CLUH: variants seen among roughly 807,000 people sequenced by gnomAD.
The protein encoded by CLUH is clustered mitochondria protein homolog.
CLUH carries 77 observed loss-of-function variants against 139.3 expected under a neutral mutation model. The ratio of observed to expected loss-of-function variants is 0.55; its 90% CI spans 0.46 to 0.67. CLUH has a LOEUF of 0.67. Among genes scored for constraint, CLUH ranks in the 30% least tolerant of loss-of-function variants. The pLI is 0.00. For synonymous variants in CLUH, 999 were observed against 801.6 expected (o/e 1.25, Z -4.16); for missense variants, 1,876 against 1,875.8 (o/e 1.00, Z 0.00).
Position 2,703,212 on chromosome 17 carries a change from C to T in CLUH, c.475+106G>A. The T allele has an allele frequency of 8.4e-7, 1 of 1,189,620 alleles. No individual in the cohort carries two copies. Among genetic ancestry groups the T allele is most frequent in the South Asian group, 1.5e-5 (1 of 68,236 alleles). The allele number at this position is 1,189,620 out of a possible 1,614,324, so 73.7% of individuals were successfully genotyped here. On this transcript the variant is annotated intron_variant, in intron 3 of 25. Transcript: ENST00000651024. This position sits in a 1 kb window ranked among gnomAD's most constrained non-coding sequence, Gnocchi z 4.2. ...GAAGCAGATCTGTGCTCCAATCCTG[C>T]CTCCATGAGCTCATCCGTGACACAG...
chr17:2,706,819 AG>A lies in CLUH; in HGVS notation c.101-2256del, dbSNP rs1377039016. 6.6e-6 allele frequency among the ~76,000 whole-genome samples: 1 copy of A among 152,192 alleles called. No homozygotes were observed. Among genetic ancestry groups the A allele is most frequent in the Admixed American group, 6.5e-5 (1 of 15,282 alleles). The stretch of plus-strand genomic sequence containing the variant: ...GAAGGGCCCCCACCCAATATAGAAC[AG>A]CAGTTTTGAGCTATGAGATCCCAAA... On this transcript the variant is annotated intron_variant, in intron 1 of 25. Transcript: ENST00000651024. The surrounding 1 kb of genome is among the most constrained non-coding windows in gnomAD (Gnocchi z 4.6).
chr17:2,708,697 A>G (rs1370321308), intron 1 of CLUH, among the ~76,000 whole-genome samples: 1 of 150,880 alleles, frequency 6.6e-6, no homozygotes, highest in African/African-American at 2.4e-5. Context: ...AGCGCGGGCT[A>G]CCCACCCGCT....
At chr17:2,709,947 ACCC>A (rs1382135006) in intron 1 of CLUH, among the ~76,000 whole-genome samples, 1 of 145,248 alleles carries the variant, frequency 6.9e-6, no homozygotes, top group African/African-American at 2.5e-5. Flanking sequence ...GACTCAGTTT[ACCC>A]CCGACAGAGC....
intron 20 of CLUH, 36 bp from the exon 21 acceptor site, chr17:2,692,732 G>C (rs766305548): frequency 6.2e-6 from 10 of 1,601,888 alleles, no homozygotes; most frequent in Non-Finnish European, 8.5e-6. Context: ...GGGTGGCCGC[G>C]GACCCAGCCC....
At chr17:2,701,804 T>G in intron 4 of CLUH, 67 bp from the exon 5 acceptor site, 1 of 1,564,124 alleles carries the variant, frequency 6.4e-7, no homozygotes, top group Non-Finnish European at 8.6e-7. Context: ...TACCTCCTGA[T>G]GGCCGTGGTC....
At position 2,694,498 on chromosome 17, in the gene CLUH, C is replaced by T. The variant is rs759194955; in HGVS notation, c.2919G>A (p.Ser973=). 12 of 1,581,226 alleles carry T rather than the reference C, an allele frequency of 7.6e-6. No individual in the cohort carries two copies. Among genetic ancestry groups the T allele is most frequent in the Admixed American group, 3.6e-5 (2 of 55,192 alleles). The change falls in exon 17 of 26, where the codon TCG becomes TCA. Residue 973 remains serine, a synonymous_variant. Coordinates refer to ENST00000651024, the MANE Select transcript of CLUH (RefSeq NM_001366661.1). ...LQKITLLREI[S]LKTGIQVLLK... ...TGCCCACCTGGATCCCTGTTTTCAG[C>T]GAGATCTCCCGCAGGAGCGTTATCT...
In CLUH at chr17:2,694,549, C is replaced by G; in HGVS notation, c.2868G>C (p.Gln956His). The G allele has an allele frequency of 6.3e-7, 1 of 1,579,030 alleles. No individual in the cohort carries two copies. The highest frequency in any genetic ancestry group is 8.6e-7 in the Non-Finnish European group (1 of 1,162,924). Residue 956 changes from glutamine to histidine, a missense_variant, in exon 17 of 26, where the codon CAG becomes CAC. Physicochemically the swap from Gln to His is conservative, Grantham distance 24. Around this residue, in one of 3 missense-constraint regions of CLUH, gnomAD observed 1,454 missense variants for 1,384.4 expected, o/e 1.05. Coordinates refer to ENST00000651024, the MANE Select transcript of CLUH (RefSeq NM_001366661.1). ...DFDLECETVD[Q>H]AVETYGLQKI... ...TCTGCAGGCCGTAGGTCTCCACAGCCTGGTCCACGGTCTCACTGAGGAGGG... is the reference window on the plus strand; with the variant it reads ...TCTGCAGGCCGTAGGTCTCCACAGCGTGGTCCACGGTCTCACTGAGGAGGG...
In CLUH at chr17:2,696,948, G is replaced by GC. The variant is rs1597609527; in HGVS notation, c.1962-7dup. On this transcript the variant is annotated splice_region_variant and splice_polypyrimidine_tract_variant and intron_variant, in intron 10 of 25. Transcript: ENST00000651024. Reference sequence around the variant, plus strand: ...GCTTCATAAAGAGGAGGTACCTGGAGCAGAGGAAACAGGGCAGAGCAGGAG... The same window carrying GC: ...GCTTCATAAAGAGGAGGTACCTGGAGCCAGAGGAAACAGGGCAGAGCAGGAG... 2 of 1,561,746 alleles carry GC rather than the reference G, an allele frequency of 1.3e-6. No individual in the cohort carries two copies. The highest frequency in any genetic ancestry group is 8.7e-7 in the Non-Finnish European group (1 of 1,154,154).
chr17:2,694,826 A>ACCCCCCCC, intron 16 of CLUH, 31 bp downstream of exon 16: 1 of 796,174 alleles, frequency 1.3e-6, no homozygotes, highest in Non-Finnish European at 1.8e-6. Context: ...GCCCAATCCC[A>ACCCCCCCC]CCCACCCCAC....
At position 2,703,293 on chromosome 17, in the gene CLUH, C is replaced by A. The variant is rs962832757; in HGVS notation, c.475+25G>T. The stretch of plus-strand genomic sequence containing the variant: ...CTGCCTCCGTGGGCCCTCCCCCGGG[C>A]AGGCTGTCCAACTTCCAGACCAACC... On this transcript the variant is annotated intron_variant, in intron 3 of 25. Coordinates refer to ENST00000651024, the MANE Select transcript of CLUH (RefSeq NM_001366661.1). This position sits in a 1 kb window ranked among gnomAD's most constrained non-coding sequence, Gnocchi z 4.2. 4 of 1,595,644 alleles carry A rather than the reference C, an allele frequency of 2.5e-6. No homozygotes were observed. In the Middle Eastern group the frequency reaches 5.0e-4, roughly 198 times the overall value.
rs1401704585 is a variant in CLUH at position 2,704,403 on chromosome 17, C to T, written c.262G>A (p.Val88Met). 1 of 1,611,758 alleles carries T rather than the reference C, an allele frequency of 6.2e-7. No individual in the cohort carries two copies. The highest frequency in any genetic ancestry group is 8.5e-7 in the Non-Finnish European group (1 of 1,179,082). Residue 88 changes from valine to methionine, a missense_variant, in exon 2 of 26, where the codon GTG becomes ATG. Coordinates refer to ENST00000651024, the MANE Select transcript of CLUH (RefSeq NM_001366661.1). This position sits in a 1 kb window ranked among gnomAD's most constrained non-coding sequence, Gnocchi z 5.7. ...TCGATCCCAGGGGCGAGGATCTTCA[C>T]AGAAAAGCCCGTGTCCTGAATGACA... ...VIVIQDTGFS[V>M]KILAPGIEPF... is the part of the protein sequence containing the mutation.
chr17:2,708,482 G>A (rs547566192), intron 1 of CLUH, among the ~76,000 whole-genome samples: 15 of 152,170 alleles, frequency 9.9e-5, no homozygotes, highest in African/African-American at 3.1e-4. Flanking sequence ...CTAAACCGCC[G>A]TGCCAGCCCA....
intron 25 of CLUH, among the ~76,000 whole-genome samples, chr17:2,691,040 G>A (rs142675112): frequency 5.6e-4 from 85 of 152,058 alleles, no homozygotes; most frequent in South Asian, 1.0e-3. Flanking sequence ...GAGTTGGGGG[G>A]CTGCTGCCAC....
intron 19 of CLUH, among the ~76,000 whole-genome samples, chr17:2,693,420 C>A (rs986009033): frequency 1.3e-4 from 19 of 146,392 alleles, no homozygotes; most frequent in African/African-American, 3.2e-4. Flanking sequence ...AAACAAACAA[C>A]CCACCCATTT....
intron 19 of CLUH, 138 bp from the exon 20 acceptor site, chr17:2,692,998 G>A (rs1438033133): frequency 1.4e-6 from 1 of 720,156 alleles, no homozygotes; most frequent in East Asian, 3.0e-5. Context: ...CAGTGCAGCA[G>A]GGGGGAGGGG....
intron 7 of CLUH, 36 bp from the exon 8 acceptor site, chr17:2,700,861 C>T: frequency 6.6e-7 from 1 of 1,506,074 alleles, no homozygotes; most frequent in Non-Finnish European, 8.8e-7. Flanking sequence ...TGGGGCAGCC[C>T]ACCAAGCTCA....
In CLUH at chr17:2,691,591, G is replaced by T; in HGVS notation, c.3863+18C>A. ...AAACCCCCAACCGGGAGACACTCGAGTGGGGCGGAGGCCTCACCTGAGAGG... is the reference window on the plus strand; with the variant it reads ...AAACCCCCAACCGGGAGACACTCGATTGGGGCGGAGGCCTCACCTGAGAGG... On this transcript the variant is annotated intron_variant, in intron 25 of 25. Transcript: ENST00000651024. The T allele has an allele frequency of 1.2e-6, 2 of 1,609,164 alleles. No homozygotes were observed. The highest frequency in any genetic ancestry group is 1.7e-6 in the Non-Finnish European group (2 of 1,177,550).
In CLUH at chr17:2,690,206, C is replaced by A; in HGVS notation, c.*388G>T. On this transcript the variant is annotated 3_prime_UTR_variant, in exon 26 of 26. Transcript: ENST00000651024. ...TGAGAAATCCCGTCTGCGCGTCACC[C>A]ACTCAGGAGTCACCCACTCAGGACT... 1 of 208,064 alleles carries A rather than the reference C, an allele frequency of 4.8e-6. No homozygotes were observed. Among genetic ancestry groups the A allele is most frequent in the Non-Finnish European group, 9.5e-6 (1 of 104,916 alleles). The allele number at this position is 208,064 out of a possible 1,614,324, so 12.9% of individuals were successfully genotyped here.
intron 3 of CLUH, among the ~76,000 whole-genome samples, 177 bp from the exon 4 acceptor site, chr17:2,702,234 A>AAC (rs369377324): frequency 0.018 from 2,758 of 151,216 alleles, 73 homozygotes; most frequent in African/African-American, 0.055. Flanking sequence ...TGACACCACA[A>AAC]ACACACACAC....
Sources: gnomAD v4.1 joint callset for allele counts (sites outside exome capture counted in the v4.1 genomes callset) on GRCh38, gnomAD v4.1.1 for gene constraint, gnomAD v4.1.1 regional missense constraint, Gnocchi (gnomAD v3.1) non-coding constraint, MANE v1.5 for transcripts, NCBI Gene and HGNC (gene_info 2026-07-23, HGNC 2026-07-21) for gene names.